The following SAMSN1 variants were observed in gnomAD, a reference collection of about 807,000 sequenced individuals.
The protein encoded by SAMSN1 is SAM domain, SH3 domain and nuclear localization signals 1, also known as SAM domain-containing protein SAMSN-1.
SAMSN1 carries 31 observed loss-of-function variants against 42.0 expected under a neutral mutation model. The ratio of observed to expected loss-of-function variants is 0.74; its 90% CI spans 0.55 to 1.00. The LOEUF (loss-of-function observed/expected upper bound fraction) is 1.00, where lower values mean the gene tolerates loss of function less well. SAMSN1 is among the 50% of genes least tolerant of loss of function. The pLI, the probability that SAMSN1 is intolerant of heterozygous loss-of-function variation, is 0.00. For synonymous variants in SAMSN1, 178 were observed against 151.9 expected (o/e 1.17, Z -1.26); for missense variants, 464 against 439.4 (o/e 1.06, Z -0.50).
At position 14,653,643 on chromosome 21, in the gene SAMSN1, A is replaced by C. The variant is rs1983869412; in HGVS notation, c.24+5105T>G. 5.9e-5 allele frequency among the ~76,000 whole-genome samples: 9 copies of C among 152,048 alleles called. 1 individual carries two copies. Among genetic ancestry groups the C allele is most frequent in the Admixed American group, 5.9e-4 (9 of 15,226 alleles). ...TAATCGTACATTTTAAAATAATTTA[A>C]AGGGTGTAAGTGGAATGTTTTTAAC... On this transcript the variant is annotated intron_variant, in intron 1 of 15. Coordinates refer to the SAMSN1 transcript ENST00000647101.
At chr21:14,514,659 C>G (rs1314772517) in intron 3 of SAMSN1, among the ~76,000 whole-genome samples, 48 of 152,204 alleles carry the variant, frequency 3.2e-4, no homozygotes, top group Non-Finnish European at 1.9e-4. Flanking sequence ...CTTAGATTTT[C>G]TTTTCTTCCT....
chr21:14,523,925 T>C (rs1362541904), intron 1 of SAMSN1, among the ~76,000 whole-genome samples: 3 of 152,338 alleles, frequency 2.0e-5, no homozygotes, highest in African/African-American at 7.2e-5. Context: ...ACTATTACTT[T>C]GGGTTTTGTC....
chr21:14,609,080 T>G (rs1485967305), intron 5 of SAMSN1, among the ~76,000 whole-genome samples: 1 of 152,140 alleles, frequency 6.6e-6, no homozygotes, highest in Non-Finnish European at 1.5e-5. Flanking sequence ...TTATTTCTCT[T>G]AAATTTTTTA....
chr21:14,622,611 G>A (rs961356597), intron 2 of SAMSN1, among the ~76,000 whole-genome samples: 3 of 152,200 alleles, frequency 2.0e-5, no homozygotes, highest in Admixed American at 2.0e-4. Flanking sequence ...TAAGAATTAT[G>A]GGACTATGTG....
chr21:14,500,691 C>T lies in SAMSN1; in HGVS notation c.606G>A (p.Met202Ile), dbSNP rs1210899304. The change falls in exon 6 of 8, where the codon ATG (methionine) becomes ATA (isoleucine). Residue 202 changes from methionine (M) to isoleucine (I), a missense_variant. Met to Ile is a conservative substitution (Grantham distance 10, BLOSUM62 1). Coordinates refer to ENST00000400566, the MANE Select transcript of SAMSN1 (RefSeq NM_022136.5). ...IDIICKTPMG[M>I]WTGMLNNKVG... ...CTTTATTGTTCAACATTCCTGTCCA[C>T]ATCCCCATTGGTGTTTTGCAAATAA... is the stretch of plus-strand genomic sequence containing the variant. 3.7e-6 allele frequency: 6 copies of T among 1,614,034 alleles called. No homozygotes were observed. Among genetic ancestry groups the T allele is most frequent in the Non-Finnish European group, 5.1e-6 (6 of 1,180,008 alleles).
intron 2 of SAMSN1, among the ~76,000 whole-genome samples, chr21:14,631,818 T>C (rs1167652173): frequency 6.6e-6 from 1 of 152,212 alleles, no homozygotes; most frequent in Non-Finnish European, 1.5e-5. Context: ...CCATTACTTA[T>C]GTTACTCTCT....
chr21:14,512,107 T>C (rs145329581), intron 4 of SAMSN1, among the ~76,000 whole-genome samples: 1 of 152,302 alleles, frequency 6.6e-6, no homozygotes, highest in East Asian at 1.9e-4. Flanking sequence ...TCAAGTCATT[T>C]TGAAATATGT....
chr21:14,635,731 G>A (rs1048339841), intron 2 of SAMSN1, among the ~76,000 whole-genome samples: 1 of 152,136 alleles, frequency 6.6e-6, no homozygotes, highest in South Asian at 2.1e-4. Flanking sequence ...GTTTGCAGAA[G>A]GAAAGGCAAT....
chr21:14,604,317 G>A (rs550357650), intron 5 of SAMSN1, among the ~76,000 whole-genome samples: 14 of 152,224 alleles, frequency 9.2e-5, no homozygotes, highest in African/African-American at 2.9e-4. Flanking sequence ...TCAAGAAATG[G>A]AGTCTAATTC....
intron 3 of SAMSN1, among the ~76,000 whole-genome samples, chr21:14,514,837 A>G (rs927002288): frequency 4.6e-5 from 7 of 152,230 alleles, no homozygotes; most frequent in African/African-American, 1.7e-4. Context: ...TGAAGATATC[A>G]AATAAGCAAT....
At chr21:14,536,895 C>G (rs1979659347) in intron 1 of SAMSN1, among the ~76,000 whole-genome samples, 1 of 152,140 alleles carries the variant, frequency 6.6e-6, no homozygotes. Flanking sequence ...AAAGTAAGTA[C>G]AAATATATCC....
intron 2 of SAMSN1, among the ~76,000 whole-genome samples, chr21:14,638,574 C>G (rs458621): frequency 0.65 from 98,382 of 152,004 alleles, 32,880 homozygotes; most frequent in Middle Eastern, 0.78. Flanking sequence ...AATATAAAAG[C>G]TATTTTTAGC....
intron 1 of SAMSN1, among the ~76,000 whole-genome samples, chr21:14,525,312 AC>A (rs1400633906): frequency 2.0e-5 from 3 of 152,228 alleles, no homozygotes; most frequent in Non-Finnish European, 4.4e-5. Context: ...GTATCTAGCT[AC>A]CACATTTAAG....
chr21:14,545,795 ACT>A (rs1274448646), intron 1 of SAMSN1, among the ~76,000 whole-genome samples: 3 of 152,124 alleles, frequency 2.0e-5, no homozygotes, highest in Non-Finnish European at 4.4e-5. Flanking sequence ...CCTTCTTATA[ACT>A]CTATTTTGAA....
intron 5 of SAMSN1, among the ~76,000 whole-genome samples, chr21:14,505,461 C>T (rs529142944): frequency 2.6e-5 from 4 of 152,012 alleles, no homozygotes; most frequent in Non-Finnish European, 5.9e-5. Context: ...TTATATCAGA[C>T]AAAACAAACT....
At chr21:14,586,279 GAAAAAGAAAA>G (rs1568820541), upstream of SAMSN1, among the ~76,000 whole-genome samples, 1 of 126,352 alleles carries the variant, frequency 7.9e-6, no homozygotes, top group African/African-American at 3.1e-5. Context: ...AAAAAAAAAA[GAAAAAGAAAA>G]AAAAAGAAAA....
At chr21:14,586,717 A>G (rs952682225), upstream of SAMSN1, among the ~76,000 whole-genome samples, 3 of 152,172 alleles carry the variant, frequency 2.0e-5, no homozygotes, top group African/African-American at 7.2e-5. Flanking sequence ...GATCAGGAGG[A>G]GCTTCACTGA....
chr21:14,521,372 G>A, intron 1 of SAMSN1, 151 bp from the exon 2 acceptor site: 1 of 537,092 alleles, frequency 1.9e-6, no homozygotes, highest in African/African-American at 1.9e-5. Flanking sequence ...CAAAGGCTGT[G>A]AAGGTATACC....
At chr21:14,550,739 GA>G (rs1227378171), upstream of SAMSN1, among the ~76,000 whole-genome samples, 1 of 151,930 alleles carries the variant, frequency 6.6e-6, no homozygotes, top group Non-Finnish European at 1.5e-5. Flanking sequence ...ACCTCAAATA[GA>G]AAAAAGACAG....
Sources: allele counts gnomAD v4.1 joint callset (sites outside exome capture counted in the v4.1 genomes callset), GRCh38; gene constraint gnomAD v4.1.1; transcripts MANE v1.5; gene names NCBI Gene and HGNC (gene_info 2026-07-23, HGNC 2026-07-21).